CNN3: variants seen among roughly 807,000 people sequenced by gnomAD.
CNN3 encodes the protein calponin 3.
In CNN3, 11 loss-of-function variants were observed where a neutral mutation model predicts 39.0. The ratio of observed to expected loss-of-function variants is 0.28; its 90% confidence interval spans 0.18 to 0.47. The LOEUF is 0.47. Ranked by LOEUF, CNN3 falls within the 20% of genes least tolerant of loss-of-function variation. The pLI, the probability that CNN3 is intolerant of heterozygous loss-of-function variation, is 0.99. For missense variants in CNN3, 266 were observed against 403.4 expected (o/e 0.66, Z 2.92); for synonymous variants, 101 against 138.3 (o/e 0.73, Z 1.89).
chr1:94,926,475 G>T lies in CNN3; in HGVS notation c.57+363C>A, dbSNP rs973082481. On this transcript the variant is annotated intron_variant, in intron 1 of 6. Coordinates refer to ENST00000370206, the MANE Select transcript of CNN3 (RefSeq NM_001839.5). This position sits in a 1 kb window ranked among gnomAD's most constrained non-coding sequence, Gnocchi z 4.2. Reference sequence around the variant, plus strand: ...CCGCGCAGACGGGCTCCGCCTAAGGGCGAGTGGCCACGCAGGAGCGCCCCC... The same window carrying T: ...CCGCGCAGACGGGCTCCGCCTAAGGTCGAGTGGCCACGCAGGAGCGCCCCC... 6.6e-6 allele frequency among the ~76,000 whole-genome samples: 1 copy of T among 152,182 alleles called. No homozygotes were observed. The highest frequency in any genetic ancestry group is 1.5e-5 in the Non-Finnish European group (1 of 68,018).
intron 1 of CNN3, among the ~76,000 whole-genome samples, chr1:94,905,699 A>G (rs1670979885): frequency 6.6e-6 from 1 of 152,236 alleles, no homozygotes; most frequent in African/African-American, 2.4e-5. Flanking sequence ...CTAACTTTGC[A>G]GTGTTTCATG....
intron 1 of CNN3, among the ~76,000 whole-genome samples, chr1:94,921,004 T>C (rs1414415441): frequency 6.6e-6 from 1 of 152,192 alleles, no homozygotes; most frequent in African/African-American, 2.4e-5. Flanking sequence ...ATGCACATGG[T>C]ATATGCTACA....
Position 94,926,790 on chromosome 1 carries a change from G to A in CNN3, c.57+48C>T, listed in dbSNP as rs1557919115. On this transcript the variant is annotated intron_variant, in intron 1 of 6. Coordinates refer to ENST00000370206, the MANE Select transcript of CNN3 (RefSeq NM_001839.5). The surrounding 1 kb of genome is among the most constrained non-coding windows in gnomAD (Gnocchi z 4.2). ...CGAAGCACGGCCCAGCGCCAGGCCA[G>A]CCCAAGGGTGCCCCGGGGGCCCCCG... is the stretch of plus-strand genomic sequence containing the variant. 2 of 1,585,280 alleles carry A rather than the reference G, an allele frequency of 1.3e-6. No homozygotes were observed. The highest frequency in any genetic ancestry group is 2.3e-5 in the East Asian group (1 of 43,838).
chr1:94,897,703 A>G lies in CNN3; in HGVS notation c.*39T>C. On this transcript the variant is annotated 3_prime_UTR_variant, in exon 7 of 7. Transcript: ENST00000370206. Reference sequence around the variant, plus strand: ...AGGCTAGCTTGGTTCTCACTGAATAAAAACAAAGGACTAAATACTGAGCTC... The same window carrying G: ...AGGCTAGCTTGGTTCTCACTGAATAGAAACAAAGGACTAAATACTGAGCTC... The G allele has an allele frequency of 6.4e-7, 1 of 1,564,126 alleles. No homozygotes were observed. Among genetic ancestry groups the G allele is most frequent in the Middle Eastern group, 1.7e-4 (1 of 5,878 alleles).
At chr1:94,923,443 T>G (rs1671498239) in intron 1 of CNN3, among the ~76,000 whole-genome samples, 2 of 152,188 alleles carry the variant, frequency 1.3e-5, no homozygotes, top group South Asian at 4.1e-4. Flanking sequence ...TGTCATTTTT[T>G]TCTTTGTTAT....
chr1:94,901,766 T>C lies in CNN3; in HGVS notation c.404A>G (p.His135Arg), dbSNP rs752229387. Residue 135 changes from histidine (H) to arginine (R), a missense_variant, in exon 5 of 7, where the codon CAT becomes CGT. Coordinates refer to ENST00000370206, the MANE Select transcript of CNN3 (RefSeq NM_001839.5). Reference sequence around the variant, plus strand: ...CTTAACTCCAATGTCAATGGTTGTATGGAATCCTTTTGTTTTAGCCTAGAC... The same window carrying C: ...CTTAACTCCAATGTCAATGGTTGTACGGAATCCTTTTGTTTTAGCCTAGAC... Reference protein sequence around the residue: ...LAGLAKTKGFHTTIDIGVKYA... With the variant: ...LAGLAKTKGFRTTIDIGVKYA... The C allele has an allele frequency of 3.7e-6, 6 of 1,613,572 alleles. No individual in the cohort carries two copies. The highest frequency in any genetic ancestry group is 4.5e-5 in the East Asian group (2 of 44,874).
chr1:94,903,040 C>T, intron 3 of CNN3, 82 bp downstream of exon 3: 2 of 1,060,860 alleles, frequency 1.9e-6, no homozygotes, highest in Admixed American at 2.9e-5. Context: ...AAACACAAAA[C>T]CAAAAAACCA....
Position 94,899,372 on chromosome 1 carries a change from T to C in CNN3, c.647A>G (p.Gln216Arg). The C allele has an allele frequency of 6.2e-7, 1 of 1,613,168 alleles. No individual in the cohort carries two copies. Among genetic ancestry groups the C allele is most frequent in the Non-Finnish European group, 8.5e-7 (1 of 1,179,762 alleles). Residue 216 changes from glutamine to arginine, a missense_variant and splice_region_variant, in exon 6 of 7, where the codon CAG becomes CGG. Gln to Arg is a conservative substitution (Grantham distance 43). Coordinates refer to ENST00000370206, the MANE Select transcript of CNN3 (RefSeq NM_001839.5). ...LQMGTNKGAS[Q>R]AGMLAPGTRR... ...CACGTATAAAAAGGTATTGCTTACC[T>C]GGCTGGCTCCTTTATTAGTGCCCAT... is the stretch of plus-strand genomic sequence containing the variant.
At chr1:94,920,348 A>G (rs1227136889) in intron 1 of CNN3, among the ~76,000 whole-genome samples, 1 of 152,180 alleles carries the variant, frequency 6.6e-6, no homozygotes, top group Non-Finnish European at 1.5e-5. Flanking sequence ...TCCCCTATCC[A>G]CCAGAAATCT....
chr1:94,926,809 G>A lies in CNN3; in HGVS notation c.57+29C>T, dbSNP rs750507652. ...AGGCCAGCCCAAGGGTGCCCCGGGG[G>A]CCCCCGCGCCCGCCCGAGCCAGGCG... On this transcript the variant is annotated intron_variant, in intron 1 of 6. Coordinates refer to ENST00000370206, the MANE Select transcript of CNN3 (RefSeq NM_001839.5). This position sits in a 1 kb window ranked among gnomAD's most constrained non-coding sequence, Gnocchi z 4.2. The A allele has an allele frequency of 4.4e-5, 70 of 1,603,816 alleles. No homozygotes were observed. The highest frequency in any genetic ancestry group is 5.4e-5 in the Non-Finnish European group (64 of 1,175,116).
At chr1:94,915,579 G>C (rs764770739) in intron 1 of CNN3, among the ~76,000 whole-genome samples, 1 of 152,206 alleles carries the variant, frequency 6.6e-6, no homozygotes, top group Non-Finnish European at 1.5e-5. Context: ...TTCCATCAGA[G>C]TGCTATGCCC....
At chr1:94,904,958 A>C (rs926492652) in intron 1 of CNN3, among the ~76,000 whole-genome samples, 4 of 152,234 alleles carry the variant, frequency 2.6e-5, no homozygotes, top group Non-Finnish European at 4.4e-5. Context: ...AGGTTTAATC[A>C]TTGGAAGAAA....
intron 2 of CNN3, 52 bp from the exon 3 acceptor site, chr1:94,903,240 G>T (rs1405194738): frequency 6.3e-7 from 1 of 1,590,336 alleles, no homozygotes; most frequent in Admixed American, 1.8e-5. Context: ...CAAAAACAAG[G>T]ATTGAAATAT....
At chr1:94,899,275 C>G in intron 6 of CNN3, 96 bp downstream of exon 6, 11 of 1,331,390 alleles carry the variant, frequency 8.3e-6, no homozygotes, top group Non-Finnish European at 1.0e-5. Flanking sequence ...GGAATATACT[C>G]TAAATAAACT....
At chr1:94,905,114 T>C (rs951867108) in intron 1 of CNN3, among the ~76,000 whole-genome samples, 4 of 152,154 alleles carry the variant, frequency 2.6e-5, no homozygotes, top group South Asian at 2.1e-4. Flanking sequence ...ATTCAGGTCC[T>C]TTCCAAGGGA....
At chr1:94,924,453 C>T (rs1396908770) in intron 1 of CNN3, 1 of 152,276 alleles carries the variant, frequency 6.6e-6, no homozygotes, top group East Asian at 1.9e-4. Context: ...AAAACCCTGT[C>T]TCTACTAAAT....
intron 1 of CNN3, among the ~76,000 whole-genome samples, chr1:94,909,629 C>G (rs1465726293): frequency 6.6e-6 from 1 of 152,210 alleles, no homozygotes; most frequent in Non-Finnish European, 1.5e-5. Context: ...TGTGTCCTAA[C>G]AGTGAAGGCA....
At chr1:94,914,831 A>G (rs1418025231) in intron 1 of CNN3, among the ~76,000 whole-genome samples, 1 of 152,184 alleles carries the variant, frequency 6.6e-6, no homozygotes, top group Non-Finnish European at 1.5e-5. Flanking sequence ...TTTTTCCCCA[A>G]TGAAAATGAG....
chr1:94,912,066 CA>C (rs964053387), intron 1 of CNN3, among the ~76,000 whole-genome samples: 31 of 145,518 alleles, frequency 2.1e-4, no homozygotes, highest in African/African-American at 3.3e-4. Context: ...AATTCCATCT[CA>C]AAAAAAAAAA....
Sources: gnomAD v4.1 joint callset for allele counts (sites outside exome capture counted in the v4.1 genomes callset) on GRCh38, gnomAD v4.1.1 for gene constraint, Gnocchi (gnomAD v3.1) non-coding constraint, MANE v1.5 for transcripts, NCBI Gene and HGNC (gene_info 2026-07-23, HGNC 2026-07-21) for gene names.